Variants in MAST4 observed in about 807,000 individuals in gnomAD.
MAST4 encodes microtubule-associated serine/threonine-protein kinase 4.
A neutral mutation model predicts 162.7 loss-of-function variants in MAST4; 89 were observed. The observed-to-expected ratio is 0.55, with a 90% CI of 0.46 to 0.65. MAST4 has a LOEUF of 0.65. MAST4 is among the 30% of genes least tolerant of loss of function. The pLI is 0.00. For synonymous variants in MAST4, 1,479 were observed against 1,361.1 expected, an observed-to-expected ratio of 1.09 and a Z score of -1.91; for missense variants, 3,153 against 3,374.0, an observed-to-expected ratio of 0.93 and a Z score of 1.62.
At chr5:66,868,485 C>A (rs1353044691) in intron 3 of MAST4, among the ~76,000 whole-genome samples, 2 of 138,632 alleles carry the variant, frequency 1.4e-5, no homozygotes, top group African/African-American at 5.6e-5. Flanking sequence ...AAATAACCAT[C>A]ACAAACTTTT....
intron 2 of MAST4, among the ~76,000 whole-genome samples, chr5:66,780,669 T>C (rs1754826645): frequency 6.6e-6 from 1 of 152,202 alleles, no homozygotes. Context: ...TATTCCCTTA[T>C]TTGGCCCTGC....
chr5:67,152,557 A>T (rs1195033252), intron 24 of MAST4, 80 bp from the exon 25 acceptor site: 1 of 1,140,146 alleles, frequency 8.8e-7, no homozygotes, highest in East Asian at 2.4e-5. Flanking sequence ...CAGTCCTGGC[A>T]AGGCTCATGG....
intron 3 of MAST4, chr5:66,792,568 GCAC>G (rs1487930116): frequency 1.3e-5 from 2 of 152,096 alleles, no homozygotes; most frequent in African/African-American, 4.8e-5. Flanking sequence ...TGCAGGTTGA[GCAC>G]GATGGTGTGA....
chr5:67,105,775 C>G (rs1335426062), intron 10 of MAST4, among the ~76,000 whole-genome samples: 1 of 152,206 alleles, frequency 6.6e-6, no homozygotes, highest in Non-Finnish European at 1.5e-5. Context: ...TTGTATTTAT[C>G]TCATCACGCA....
Position 67,013,907 on chromosome 5 carries a change from A to G in MAST4, c.675-40497A>G, listed in dbSNP as rs569350255. Among the ~76,000 whole-genome samples the G allele has an allele frequency of 4.2e-3, 637 of 152,316 alleles. 9 individuals carry two copies. Among genetic ancestry groups the G allele is most frequent in the African/African-American group, 0.014 (572 of 41,566 alleles). On this transcript the variant is annotated intron_variant, in intron 4 of 28. Coordinates refer to ENST00000403625, the MANE Select transcript of MAST4 (RefSeq NM_001164664.2). ...GTAAAACAATAGGCATTAAGTGGCT[A>G]TTATGTAATGTTATTTCTTATGTCT...
chr5:66,804,895 T>C (rs555371437), intron 3 of MAST4, among the ~76,000 whole-genome samples: 2 of 152,350 alleles, frequency 1.3e-5, no homozygotes, highest in Admixed American at 6.5e-5. Flanking sequence ...TTGAAAATTA[T>C]CTGTTTTTGC....
intron 2 of MAST4, among the ~76,000 whole-genome samples, chr5:66,760,607 G>T (rs977012394): frequency 1.3e-5 from 2 of 152,136 alleles, no homozygotes; most frequent in Non-Finnish European, 2.9e-5. Context: ...AGATTAGATA[G>T]ACCTTATCAA....
Position 67,103,311 on chromosome 5 carries a change from A to G in MAST4, c.1146+700A>G, listed in dbSNP as rs188575205. Among the ~76,000 whole-genome samples, 783 of 152,256 alleles carry G rather than the reference A, an allele frequency of 5.1e-3. 17 individuals carry two copies. Among genetic ancestry groups the G allele is most frequent in the East Asian group, 0.028 (146 of 5,180 alleles). On this transcript the variant is annotated intron_variant, in intron 9 of 28. Transcript: ENST00000403625. ...CTCCACGTTTTTCCGATCCACCCCC[A>G]CAGCCTGTGTTGCCCTAAACAGGAG...
At chr5:66,849,491 T>C (rs1529509) in intron 3 of MAST4, among the ~76,000 whole-genome samples, 36,849 of 152,038 alleles carry the variant, frequency 0.24, 5,734 homozygotes, top group Non-Finnish European at 0.35. Context: ...TCTCCTGTCC[T>C]TTTTCATTTA....
chr5:67,085,002 C>G (rs1324208477), intron 5 of MAST4, among the ~76,000 whole-genome samples: 1 of 152,112 alleles, frequency 6.6e-6, no homozygotes, highest in Non-Finnish European at 1.5e-5. Flanking sequence ...ATTGCATAAT[C>G]GTGGACTATG....
intron 1 of MAST4, among the ~76,000 whole-genome samples, chr5:66,614,622 T>C (rs1743542778): frequency 6.6e-6 from 1 of 152,172 alleles, no homozygotes; most frequent in African/African-American, 2.4e-5. Flanking sequence ...GAGAAGACCA[T>C]TTAAGGGACT....
intron 1 of MAST4, among the ~76,000 whole-genome samples, chr5:66,604,976 A>T (rs1742785159): frequency 6.6e-6 from 1 of 152,252 alleles, no homozygotes; most frequent in Non-Finnish European, 1.5e-5. Context: ...AGTCATAGCC[A>T]GCGAAATTGC....
chr5:66,820,458 C>T (rs1291771686), intron 3 of MAST4, among the ~76,000 whole-genome samples: 1 of 152,152 alleles, frequency 6.6e-6, no homozygotes, highest in Non-Finnish European at 1.5e-5. Context: ...ATTAATATGA[C>T]ATATGGGACT....
intron 3 of MAST4, among the ~76,000 whole-genome samples, chr5:66,875,501 A>G (rs542650391): frequency 1.3e-5 from 2 of 152,372 alleles, no homozygotes; most frequent in South Asian, 4.1e-4. Flanking sequence ...CATCTGAAAA[A>G]TAGGGAACAA....
rs1389681888 is a variant in MAST4 at position 67,163,967 on chromosome 5, G to A, written c.4788G>A (p.Ala1596=). The A allele has an allele frequency of 3.7e-6, 6 of 1,610,270 alleles. No individual in the cohort carries two copies. The highest frequency in any genetic ancestry group is 1.7e-5 in the Admixed American group (1 of 59,338). ...AAAACAAAGCGTCTATGCAGGAGGC[G>A]CCACCGCTGGGCAGCCTGCTGAAGG... ...TFENKASMQE[A]PPLGSLLKDA... Residue 1596 remains alanine (A), a synonymous_variant, in exon 29 of 29, where the codon GCG becomes GCA. Coordinates refer to ENST00000403625, the MANE Select transcript of MAST4 (RefSeq NM_001164664.2). This position sits in a 1 kb window ranked among gnomAD's most constrained non-coding sequence, Gnocchi z 7.0.
intron 4 of MAST4, among the ~76,000 whole-genome samples, chr5:66,922,617 T>C (rs1764613818): frequency 6.6e-6 from 1 of 152,226 alleles, no homozygotes. Context: ...ATACTGTCTC[T>C]TCTAGTATTG....
intron 1 of MAST4, among the ~76,000 whole-genome samples, chr5:66,696,198 T>C (rs1199047376): frequency 6.6e-6 from 1 of 152,038 alleles, no homozygotes; most frequent in African/African-American, 2.4e-5. Context: ...CTGGGGCCTG[T>C]TGGGGCGGAG....
At chr5:66,850,565 A>G (rs1759231429) in intron 3 of MAST4, among the ~76,000 whole-genome samples, 1 of 152,182 alleles carries the variant, frequency 6.6e-6, no homozygotes, top group Non-Finnish European at 1.5e-5. Flanking sequence ...TCGTGTGTGG[A>G]TTGGTCACAG....
Position 67,060,085 on chromosome 5 carries a change from C to T in MAST4, c.763+5593C>T, listed in dbSNP as rs1302875526. Among the ~76,000 whole-genome samples, 5 of 152,120 alleles carry T rather than the reference C, an allele frequency of 3.3e-5. No individual in the cohort carries two copies. In the East Asian group the frequency reaches 9.6e-4, roughly 29 times the overall value. On this transcript the variant is annotated intron_variant, in intron 5 of 28. Coordinates refer to ENST00000403625, the MANE Select transcript of MAST4 (RefSeq NM_001164664.2). ...GGGTTTCCAAGGAGAAACTATATGA[C>T]ATCATGTACATTTTTTAAACAGAAT...
Sources: gnomAD v4.1 joint callset for allele counts (sites outside exome capture counted in the v4.1 genomes callset) on GRCh38, gnomAD v4.1.1 for gene constraint, Gnocchi (gnomAD v3.1) non-coding constraint, MANE v1.5 for transcripts, NCBI Gene and HGNC (gene_info 2026-07-23, HGNC 2026-07-21) for gene names.